LSP1: variants seen among roughly 807,000 people sequenced by gnomAD.
LSP1 encodes lymphocyte-specific protein 1.
A neutral mutation model predicts 49.3 loss-of-function variants in LSP1; 32 were observed. The ratio of observed to expected loss-of-function variants is 0.65; its 90% CI spans 0.49 to 0.87. The LOEUF (loss-of-function observed/expected upper bound fraction) is 0.87. LSP1 is among the 40% of genes least tolerant of loss of function. LSP1 has a pLI of 0.00. For missense variants in LSP1, 428 were observed against 442.6 expected (o/e 0.97, Z 0.30); for synonymous variants, 179 against 178.8 (o/e 1.00, Z -0.01).
At chr11:1,860,592 A>G (rs1241687898) in intron 1 of LSP1, among the ~76,000 whole-genome samples, 1 of 152,220 alleles carries the variant, frequency 6.6e-6, no homozygotes, top group Non-Finnish European at 1.5e-5. Context: ...AGATAAATGC[A>G]GATGTGATAT....
At chr11:1,883,288 G>A (rs1015129266) in intron 3 of LSP1, 131 bp from the exon 4 acceptor site, 1 of 1,163,276 alleles carries the variant, frequency 8.6e-7, no homozygotes, top group Non-Finnish European at 1.2e-6. Flanking sequence ...TTGGGTCTCA[G>A]ATCCCTTGGC....
intron 1 of LSP1, chr11:1,866,981 T>C: frequency 7.2e-7 from 1 of 1,392,758 alleles, no homozygotes. Flanking sequence ...CCTGTGGACC[T>C]GGGGAGGAGA....
At chr11:1,869,799 G>A (rs1424748066) in intron 1 of LSP1, 12 of 317,674 alleles carry the variant, frequency 3.8e-5, no homozygotes, top group African/African-American at 1.2e-4. Flanking sequence ...AGGAGGGGGC[G>A]TGGGGGGGGC....
At chr11:1,883,624 G>T (rs1238586883) in intron 4 of LSP1, 64 bp downstream of exon 4, 79 of 1,536,578 alleles carry the variant, frequency 5.1e-5, no homozygotes, top group Non-Finnish European at 6.8e-5. Flanking sequence ...TGCCTTGGCT[G>T]TCTGCACCAC....
At chr11:1,872,112 G>T (rs1473217001) in intron 1 of LSP1, among the ~76,000 whole-genome samples, 38 of 111,584 alleles carry the variant, frequency 3.4e-4, no homozygotes, top group South Asian at 1.5e-3. Flanking sequence ...ACTTTTGGGA[G>T]GGGGTGTGTG....
intron 8 of LSP1, 33 bp downstream of exon 8, chr11:1,886,899 C>T: frequency 6.2e-7 from 1 of 1,600,214 alleles, no homozygotes; most frequent in Non-Finnish European, 8.5e-7. Flanking sequence ...GGCTGGGCTG[C>T]AGAGCCAGCG....
At chr11:1,854,893 C>G (rs949671172) in intron 1 of LSP1, among the ~76,000 whole-genome samples, 2 of 152,210 alleles carry the variant, frequency 1.3e-5, no homozygotes, top group East Asian at 3.9e-4. Context: ...CTTGGCCACC[C>G]CCTCCCAGCT....
chr11:1,881,220 G>A, intron 2 of LSP1: 1 of 521,822 alleles, frequency 1.9e-6, no homozygotes, highest in South Asian at 2.6e-5. Flanking sequence ...AGGAAGCACA[G>A]TTCTCAGGCT....
chr11:1,889,757 C>T (rs549895566), intron 10 of LSP1: 28 of 653,520 alleles, frequency 4.3e-5, no homozygotes, highest in Admixed American at 7.6e-5. Flanking sequence ...AGGACTCCAG[C>T]GAGCGGCAGG....
intron 1 of LSP1, chr11:1,870,331 G>A (rs1187404592): frequency 7.7e-7 from 1 of 1,291,584 alleles, no homozygotes; most frequent in Non-Finnish European, 1.0e-6. Flanking sequence ...GGTGCCCGCA[G>A]CACCCGGGGA....
intron 3 of LSP1, among the ~76,000 whole-genome samples, chr11:1,882,754 C>T (rs1274974319): frequency 6.6e-6 from 1 of 152,238 alleles, no homozygotes; most frequent in Non-Finnish European, 1.5e-5. Flanking sequence ...CCCTGCCCAC[C>T]TTGGGCGGGT....
Position 1,881,436 on chromosome 11 carries a change from A to C in LSP1, c.196A>C (p.Ser66Arg). ...GCTCCCCCCTGCTACCCTCAGCCTC[A>C]GCCTGAAGCCCTCGGAGGCCCCTGA... ...PERPKQEMLL[S>R]LKPSEAPELD... The change falls in exon 3 of 11, where the codon AGC becomes CGC. Residue 66 changes from serine to arginine, a missense_variant. Physicochemically the swap from Ser to Arg is moderately radical, Grantham distance 110 (BLOSUM62 -1). Transcript: ENST00000311604. The C allele has an allele frequency of 6.4e-7, 1 of 1,569,720 alleles. No individual in the cohort carries two copies. The highest frequency in any genetic ancestry group is 1.7e-4 in the Middle Eastern group (1 of 5,866).
intron 1 of LSP1, chr11:1,870,472 G>A (rs1168562010): frequency 8.3e-7 from 1 of 1,197,708 alleles, no homozygotes. Context: ...AAAGCTTCGG[G>A]GAGGGGCCGG....
At chr11:1,880,319 G>T in intron 2 of LSP1, 95 bp downstream of exon 2, 1 of 1,378,606 alleles carries the variant, frequency 7.3e-7, no homozygotes, top group Non-Finnish European at 9.5e-7. Context: ...GGGCTTGGGG[G>T]TTCCAGTGCA....
At chr11:1,866,640 G>A in intron 1 of LSP1, 5 of 1,550,370 alleles carry the variant, frequency 3.2e-6, no homozygotes, top group Non-Finnish European at 4.4e-6. Flanking sequence ...AGGCTCTGCT[G>A]GTCAGACCTC....
intron 8 of LSP1, 61 bp downstream of exon 8, chr11:1,886,927 A>C (rs549429493): frequency 2.2e-5 from 34 of 1,573,212 alleles, no homozygotes; most frequent in Non-Finnish European, 2.9e-5. Flanking sequence ...GTTTAGTAGC[A>C]GGCCGGGTTT....
At position 1,886,820 on chromosome 11, in the gene LSP1, C is replaced by T. The variant is rs771463495; in HGVS notation, c.806C>T (p.Thr269Met). The change falls in exon 8 of 11, where the codon ACG becomes ATG. Residue 269 changes from threonine (T) to methionine (M), a missense_variant. Transcript: ENST00000311604. ...AVASTKSRWETGEVQAQSAAK... is the reference protein window; with the variant it reads ...AVASTKSRWEMGEVQAQSAAK... ...GCCAGTACCAAGAGTCGGTGGGAGA[C>T]GGGTGAGGTACAGGCTCAGTCTGCG... 18 of 1,611,686 alleles carry T rather than the reference C, an allele frequency of 1.1e-5. No individual in the cohort carries two copies. Among genetic ancestry groups the T allele is most frequent in the East Asian group, 1.1e-4 (5 of 44,890 alleles).
At chr11:1,889,191 T>C in intron 10 of LSP1, 1 of 675,188 alleles carries the variant, frequency 1.5e-6, no homozygotes, top group Non-Finnish European at 2.7e-6. Context: ...GTTCTTGGGC[T>C]GGGGGCTCAG....
At chr11:1,879,899 T>C (rs1237672332) in intron 1 of LSP1, 188 bp from the exon 2 acceptor site, 16 of 608,330 alleles carry the variant, frequency 2.6e-5, no homozygotes, top group Admixed American at 1.1e-4. Context: ...GGGCACCTCA[T>C]GACCACGTGG....
Sources: gnomAD v4.1 joint callset for allele counts (sites outside exome capture counted in the v4.1 genomes callset) on GRCh38, gnomAD v4.1.1 for gene constraint, MANE v1.5 for transcripts, NCBI Gene and HGNC (gene_info 2026-07-23, HGNC 2026-07-21) for gene names.